TMC5: variants seen among roughly 807,000 people sequenced by gnomAD.
The protein encoded by TMC5 is transmembrane channel like 5.
TMC5 carries 86 observed loss-of-function variants against 110.5 expected under a neutral mutation model. The ratio of observed to expected loss-of-function variants is 0.78; its 90% CI spans 0.65 to 0.93. TMC5 has a LOEUF of 0.93. Ranked by LOEUF, TMC5 falls within the 40% of genes least tolerant of loss-of-function variation. The probability of loss-of-function intolerance (pLI) is 0.00; values close to 1 mark genes in which losing one functional copy is unlikely to be tolerated. For missense variants in TMC5, 1,144 were observed against 1,222.8 expected, an observed-to-expected ratio of 0.94 and a Z score of 0.96; for synonymous variants, 455 against 439.5, an observed-to-expected ratio of 1.04 and a Z score of -0.44.
At chr16:19,412,211 A>C (rs1966857318) in intron 1 of TMC5, among the ~76,000 whole-genome samples, 1 of 146,748 alleles carries the variant, frequency 6.8e-6, no homozygotes, top group Non-Finnish European at 1.5e-5. Flanking sequence ...GCTGGGACCA[A>C]AGGCACGCAC....
At chr16:19,495,011 C>CT (rs56178955) in intron 20 of TMC5, among the ~76,000 whole-genome samples, 504 of 40,470 alleles carry the variant, frequency 0.012, 108 homozygotes, top group African/African-American at 0.034. Flanking sequence ...AGTGTCTATT[C>CT]TTTTTTTTTT....
intron 3 of TMC5, among the ~76,000 whole-genome samples, 162 bp from the exon 4 acceptor site, chr16:19,443,895 AAATGGATGGATAAATACATGATTG>A (rs1343384346): frequency 3.3e-5 from 5 of 151,082 alleles, no homozygotes; most frequent in Admixed American, 6.6e-5. Context: ...ATGGATGGAT[AAATGGATGGATAAATACATGATTG>A]AATGGATGGA....
At chr16:19,476,129 C>T (rs1190830925) in intron 12 of TMC5, among the ~76,000 whole-genome samples, 1 of 152,094 alleles carries the variant, frequency 6.6e-6, no homozygotes, top group Non-Finnish European at 1.5e-5. Flanking sequence ...GGGAGGATTG[C>T]TTGAGCCCAG....
chr16:19,465,994 A>T lies in TMC5; in HGVS notation c.1486-88A>T, dbSNP rs1968178163. ...AAACTGACTGGCCCAGGCTTCTTGT[A>T]TTCAGGAGAGGTCAACTCTCATGAC... On this transcript the variant is annotated intron_variant, in intron 8 of 21. Coordinates refer to ENST00000542583, the MANE Select transcript of TMC5 (RefSeq NM_001261841.2). 9.8e-6 allele frequency: 14 copies of T among 1,431,154 alleles called. 1 individual carries two copies. The highest frequency in any genetic ancestry group is 2.1e-4 in the Middle Eastern group (1 of 4,806). 88.7% of individuals were successfully genotyped at this position (1,431,154 alleles called of 1,614,324 possible).
Position 19,455,551 on chromosome 16 carries a change from T to C in TMC5, c.1049-4684T>C, listed in dbSNP as rs137968321. ...ACTGAAGCCCCTTCTGCAGCCTTTT[T>C]CTCTACCATCCTTAGCAGGTGAACG... On this transcript the variant is annotated intron_variant, in intron 5 of 21. Transcript: ENST00000542583. 1.3e-3 allele frequency among the ~76,000 whole-genome samples: 193 copies of C among 152,320 alleles called. 1 individual carries two copies. Among genetic ancestry groups the C allele is most frequent in the Non-Finnish European group, 1.3e-3 (91 of 68,036 alleles).
intron 4 of TMC5, 81 bp from the exon 5 acceptor site, chr16:19,449,461 T>G (rs914686674): frequency 4.6e-5 from 54 of 1,179,608 alleles, no homozygotes; most frequent in Non-Finnish European, 6.4e-5. Context: ...GAACCACTAT[T>G]AGCACATCAT....
chr16:19,453,317 G>C (rs1281399871), intron 5 of TMC5, among the ~76,000 whole-genome samples: 1 of 151,948 alleles, frequency 6.6e-6, no homozygotes, highest in African/African-American at 2.4e-5. Context: ...GGCCAAGCAT[G>C]GTAGCTCATG....
chr16:19,432,141 C>G (rs544462216), intron 2 of TMC5, among the ~76,000 whole-genome samples: 1 of 152,212 alleles, frequency 6.6e-6, no homozygotes, highest in South Asian at 2.1e-4. Flanking sequence ...GTGACCTCAT[C>G]CATATTCTAG....
intron 1 of TMC5, among the ~76,000 whole-genome samples, chr16:19,426,237 G>A (rs1472034071): frequency 2.4e-4 from 36 of 152,176 alleles, no homozygotes; most frequent in Admixed American, 2.4e-3. Flanking sequence ...CCTCCAAGGT[G>A]GATCCAGAAG....
chr16:19,463,184 T>C (rs1968072145), intron 6 of TMC5, 96 bp from the exon 7 acceptor site: 2 of 917,598 alleles, frequency 2.2e-6, no homozygotes, highest in Admixed American at 3.8e-5. Flanking sequence ...GCTTCCGAAG[T>C]GTTGGGATTA....
chr16:19,473,340 C>T (rs1281584219), intron 11 of TMC5, among the ~76,000 whole-genome samples: 3 of 89,060 alleles, frequency 3.4e-5, no homozygotes, highest in Non-Finnish European at 3.8e-5. Context: ...AGCGAGACTC[C>T]GGCTCAAAAA....
At chr16:19,431,865 A>G (rs188413930) in intron 2 of TMC5, among the ~76,000 whole-genome samples, 167 of 152,288 alleles carry the variant, frequency 1.1e-3, no homozygotes, top group African/African-American at 3.8e-3. Context: ...ATTCTTTGTG[A>G]CGGTTCCATG....
At chr16:19,424,506 G>A (rs954616292) in intron 1 of TMC5, among the ~76,000 whole-genome samples, 2 of 151,988 alleles carry the variant, frequency 1.3e-5, no homozygotes, top group East Asian at 1.9e-4. Context: ...AAAATTAGAC[G>A]GGCACGGTGG....
At chr16:19,490,903 C>CTTTTTTCTCCCTTCCCCTCCCT (rs1968880627) in intron 18 of TMC5, among the ~76,000 whole-genome samples, 1 of 58,598 alleles carries the variant, frequency 1.7e-5, no homozygotes. Flanking sequence ...CTCCCTTCCC[C>CTTTTTTCTCCCTTCCCCTCCCT]TCCCTTCCCT....
In TMC5 at chr16:19,495,304, G is replaced by A. The variant is rs577380557; in HGVS notation, c.2931+938G>A. ...GCTGGGATTACAGGCGTGAGCCACCGCGCCCGGCCTACTTCAGTGTCTATT... is the reference window on the plus strand; with the variant it reads ...GCTGGGATTACAGGCGTGAGCCACCACGCCCGGCCTACTTCAGTGTCTATT... On this transcript the variant is annotated intron_variant, in intron 20 of 21. Transcript: ENST00000542583. Among the ~76,000 whole-genome samples the A allele has an allele frequency of 5.3e-3, 125 of 23,426 alleles. 47 individuals are homozygous for A. The highest frequency in any genetic ancestry group is 0.023 in the Non-Finnish European group (106 of 4,620). 15.4% of individuals were successfully genotyped at this position (23,426 alleles called of 152,430 possible).
At chr16:19,440,861 G>A in intron 3 of TMC5, 35 bp downstream of exon 3, 1 of 1,575,344 alleles carries the variant, frequency 6.3e-7, no homozygotes. Context: ...ACTGGGAGTG[G>A]ATGCTGAGTG....
At chr16:19,412,769 G>A (rs943301974) in intron 1 of TMC5, among the ~76,000 whole-genome samples, 1 of 152,202 alleles carries the variant, frequency 6.6e-6, no homozygotes, top group Non-Finnish European at 1.5e-5. Context: ...TGCTGTGACC[G>A]CCCTCTACAG....
Position 19,498,106 on chromosome 16 carries a change from T to C in TMC5, c.*140T>C. On this transcript the variant is annotated 3_prime_UTR_variant, in exon 22 of 22. Transcript: ENST00000542583. ...AGCCAGGAGCGGAAACTGACTACCA[T>C]GTAATTATCAAAGTAAAATTGGGCA... The C allele has an allele frequency of 1.3e-6, 1 of 754,872 alleles. No homozygotes were observed. The highest frequency in any genetic ancestry group is 2.2e-6 in the Non-Finnish European group (1 of 448,002). The allele number at this position is 754,872 out of a possible 1,614,324, so 46.8% of individuals were successfully genotyped here.
chr16:19,438,441 G>GAAAGAAAGAAAGAAAA (rs1967405284), intron 2 of TMC5, among the ~76,000 whole-genome samples: 1 of 143,618 alleles, frequency 7.0e-6, no homozygotes, highest in African/African-American at 2.6e-5. Flanking sequence ...GAAAGAGAAA[G>GAAAGAAAGAAAGAAAA]AAAGAAAGAA....
Sources: allele counts gnomAD v4.1 joint callset (sites outside exome capture counted in the v4.1 genomes callset), GRCh38; gene constraint gnomAD v4.1.1; transcripts MANE v1.5; gene names NCBI Gene and HGNC (gene_info 2026-07-23, HGNC 2026-07-21).